COL6A6: variants seen among roughly 807,000 people sequenced by gnomAD.
The protein encoded by COL6A6 is collagen type VI alpha 6 chain.
In COL6A6, 183 loss-of-function variants were observed where a neutral mutation model predicts 208.6. The ratio of observed to expected loss-of-function variants is 0.88; its 90% CI spans 0.78 to 0.99. The LOEUF is 0.99. Ranked by LOEUF, COL6A6 falls within the 50% of genes least tolerant of loss-of-function variation. The probability of loss-of-function intolerance (pLI) is 0.00; values close to 1 mark genes in which losing one functional copy is unlikely to be tolerated. For missense variants in COL6A6, 2,816 were observed against 2,815.2 expected (o/e 1.00, Z -0.01); for synonymous variants, 973 against 1,011.8 (o/e 0.96, Z 0.73).
intron 1 of COL6A6, among the ~76,000 whole-genome samples, chr3:130,539,373 C>T (rs1445175595): frequency 4.6e-5 from 7 of 152,192 alleles, no homozygotes; most frequent in Admixed American, 3.9e-4. Flanking sequence ...CGGTGGCTCA[C>T]GCCTGTAATC....
intron 31 of COL6A6, among the ~76,000 whole-genome samples, chr3:130,644,002 C>G (rs896307905): frequency 2.6e-5 from 4 of 151,976 alleles, no homozygotes; most frequent in African/African-American, 9.7e-5. Context: ...GACATAGGAA[C>G]CATGTAAATT....
intron 32 of COL6A6, among the ~76,000 whole-genome samples, chr3:130,645,500 A>G (rs1287883944): frequency 1.3e-5 from 2 of 152,078 alleles, no homozygotes; most frequent in South Asian, 4.2e-4. Flanking sequence ...CTGGTCCTGA[A>G]CTCCTGGGCT....
chr3:130,626,252 G>A (rs2064881741), intron 24 of COL6A6, among the ~76,000 whole-genome samples: 2 of 152,092 alleles, frequency 1.3e-5, no homozygotes, highest in Admixed American at 1.3e-4. Context: ...TCATTTTCAT[G>A]GCATTGAGCT....
intron 21 of COL6A6, among the ~76,000 whole-genome samples, chr3:130,608,206 T>C (rs552058125): frequency 6.6e-6 from 1 of 152,296 alleles, no homozygotes; most frequent in South Asian, 2.1e-4. Context: ...CATTTCAAGT[T>C]TAGACTTCAG....
chr3:130,566,938 A>G lies in COL6A6; in HGVS notation c.1519A>G (p.Arg507Gly). The part of the protein sequence containing the change: ...QDLGKAIENI[R>G]QMGGNTNTGA... ...TTTGGGAAAGGCCATTGAGAATATC[A>G]GGCAGATGGGTGGGAATACAAACAC... Residue 507 changes from arginine (R) to glycine (G), a missense_variant, in exon 5 of 37, where the codon AGG becomes GGG. By Grantham distance (125) the Arg-to-Gly change is moderately radical (BLOSUM62 -2). Transcript: ENST00000358511. 1 of 1,613,938 alleles carries G rather than the reference A, an allele frequency of 6.2e-7. No individual in the cohort carries two copies. Among genetic ancestry groups the G allele is most frequent in the Non-Finnish European group, 8.5e-7 (1 of 1,179,798 alleles).
At chr3:130,610,783 C>A in intron 23 of COL6A6, 72 bp downstream of exon 23, 1 of 1,128,814 alleles carries the variant, frequency 8.9e-7, no homozygotes, top group Non-Finnish European at 1.3e-6. Context: ...TTCTTCCATA[C>A]AGGTGGAGTT....
chr3:130,580,075 G>T (rs1199530921), intron 8 of COL6A6, among the ~76,000 whole-genome samples: 3 of 152,060 alleles, frequency 2.0e-5, no homozygotes, highest in Non-Finnish European at 4.4e-5. Flanking sequence ...TGTCATTTTG[G>T]TATTTCTGCT....
intron 20 of COL6A6, among the ~76,000 whole-genome samples, chr3:130,602,457 A>G (rs926390088): frequency 6.6e-6 from 1 of 152,240 alleles, no homozygotes. Context: ...CAAAGGGCAG[A>G]TAAAGCCTCA....
At chr3:130,597,010 G>A (rs1397487830) in intron 18 of COL6A6, among the ~76,000 whole-genome samples, 1 of 152,152 alleles carries the variant, frequency 6.6e-6, no homozygotes, top group Admixed American at 6.5e-5. Context: ...TTGACCAACT[G>A]TCTGTATGCA....
chr3:130,635,605 T>A (rs768525021), intron 27 of COL6A6, 94 bp from the exon 28 acceptor site: 48 of 822,772 alleles, frequency 5.8e-5, no homozygotes, highest in Non-Finnish European at 7.4e-5. Flanking sequence ...ATACGAAAAA[T>A]GTCTTCATGT....
intron 33 of COL6A6, among the ~76,000 whole-genome samples, chr3:130,653,884 A>G (rs1421948634): frequency 1.3e-5 from 2 of 152,170 alleles, no homozygotes; most frequent in East Asian, 3.8e-4. Context: ...CCATAAAACA[A>G]CTCACTAGAA....
intron 28 of COL6A6, among the ~76,000 whole-genome samples, chr3:130,639,657 A>C (rs1339815261): frequency 6.7e-6 from 1 of 149,320 alleles, no homozygotes; most frequent in Non-Finnish European, 1.5e-5. Context: ...GCACTACTGC[A>C]TTCGAGCCTG....
At chr3:130,662,975 C>G (rs539598137) in intron 35 of COL6A6, among the ~76,000 whole-genome samples, 9 of 152,266 alleles carry the variant, frequency 5.9e-5, no homozygotes, top group African/African-American at 2.2e-4. Flanking sequence ...GGATAAAAAG[C>G]TGTATCCTAA....
intron 27 of COL6A6, 74 bp downstream of exon 27, chr3:130,634,699 G>C: frequency 1.9e-6 from 2 of 1,079,736 alleles, no homozygotes; most frequent in Non-Finnish European, 2.7e-6. Context: ...TCCTAGGCCA[G>C]TAGAAGAACA....
At chr3:130,648,919 G>T (rs933586909) in intron 32 of COL6A6, 150 bp from the exon 33 acceptor site, 4 of 641,574 alleles carry the variant, frequency 6.2e-6, no homozygotes, top group Non-Finnish European at 9.6e-6. Flanking sequence ...AATTATTCAA[G>T]ATTTAAATAT....
At chr3:130,544,404 A>T (rs1322081709) in intron 1 of COL6A6, among the ~76,000 whole-genome samples, 3 of 151,956 alleles carry the variant, frequency 2.0e-5, no homozygotes, top group African/African-American at 7.3e-5. Flanking sequence ...CTGTGTGTGT[A>T]TCTCAGTTTC....
rs200429976 is a variant in COL6A6, at chr3:130,662,194, G to A, written c.6388G>A (p.Glu2130Lys). ...LGPIWDDKEL[E>K]DLASHPLDHH... ...CCCTATTTGGGATGACAAGGAACTG[G>A]AGGATCTCGCCAGCCACCCTTTGGA... The change falls in exon 35 of 37, where the codon GAG becomes AAG. Residue 2130 changes from glutamate (E) to lysine (K), a missense_variant. Coordinates refer to ENST00000358511, the MANE Select transcript of COL6A6 (RefSeq NM_001102608.3). 942 of 1,613,972 alleles carry A rather than the reference G, an allele frequency of 5.8e-4. 11 individuals carry two copies. The South Asian group carries it at 7.6e-3, about 13-fold the overall frequency.
chr3:130,617,284 G>A (rs1332487889), intron 23 of COL6A6, among the ~76,000 whole-genome samples: 1 of 152,128 alleles, frequency 6.6e-6, no homozygotes, highest in Non-Finnish European at 1.5e-5. Context: ...TCATAAAGGA[G>A]ACTCATACAA....
At chr3:130,641,224 T>TACA (rs2065299267) in intron 28 of COL6A6, among the ~76,000 whole-genome samples, 1 of 145,008 alleles carries the variant, frequency 6.9e-6, no homozygotes, top group Admixed American at 6.8e-5. Context: ...TATTGCCTGT[T>TACA]ACAACAACAA....
Sources: allele counts gnomAD v4.1 joint callset (sites outside exome capture counted in the v4.1 genomes callset), GRCh38; gene constraint gnomAD v4.1.1; transcripts MANE v1.5; gene names NCBI Gene and HGNC (gene_info 2026-07-23, HGNC 2026-07-21).